TAF3: variants seen among roughly 807,000 people sequenced by gnomAD.
TAF3 encodes TATA-box binding protein associated factor 3.
A neutral mutation model predicts 80.6 loss-of-function variants in TAF3; 7 were observed. That is an observed-to-expected ratio of 0.09 (90% CI 0.05 to 0.16). The LOEUF (loss-of-function observed/expected upper bound fraction) is 0.16, where lower values mean the gene tolerates loss of function less well. Among genes scored for constraint, TAF3 ranks in the 10% least tolerant of loss-of-function variants. The probability of loss-of-function intolerance (pLI) is 1.00; values close to 1 mark genes in which losing one functional copy is unlikely to be tolerated. For synonymous variants in TAF3, 444 were observed against 446.1 expected (o/e 1.00, Z 0.06); for missense variants, 921 against 1,140.2 (o/e 0.81, Z 2.77).
chr10:7,986,640 C>G (rs1162034952), intron 4 of TAF3, among the ~76,000 whole-genome samples: 2 of 152,196 alleles, frequency 1.3e-5, no homozygotes, highest in Non-Finnish European at 2.9e-5. Context: ...GGACTCTCAG[C>G]ATCTTGTAAC....
At position 7,873,621 on chromosome 10, in the gene TAF3, C is replaced by CCCT. The variant is rs1554779069; in HGVS notation, c.409+49063_409+49064insTCC. Among the ~76,000 whole-genome samples, 2 of 130,410 alleles carry CCCT rather than the reference C, an allele frequency of 1.5e-5. 1 individual carries two copies. The highest frequency in any genetic ancestry group is 3.4e-5 in the Non-Finnish European group (2 of 59,306). 85.6% of individuals were successfully genotyped at this position (130,410 alleles called of 152,430 possible). On this transcript the variant is annotated intron_variant, in intron 2 of 6. Coordinates refer to ENST00000344293, the MANE Select transcript of TAF3 (RefSeq NM_031923.4). ...CAAGGGAAGACATCCGAGTTCTCCC[C>CCCT]CCCCCCCCGTCAAAAGGGGGTGTCG... is the stretch of plus-strand genomic sequence containing the variant.
chr10:7,963,040 T>C (rs1831526091), intron 2 of TAF3, among the ~76,000 whole-genome samples: 1 of 152,214 alleles, frequency 6.6e-6, no homozygotes, highest in Non-Finnish European at 1.5e-5. Context: ...GGTTGCTCTC[T>C]AGTGCCGTAA....
intron 2 of TAF3, among the ~76,000 whole-genome samples, chr10:7,892,022 G>A (rs537761770): frequency 6.6e-6 from 1 of 152,228 alleles, no homozygotes; most frequent in Non-Finnish European, 1.5e-5. Context: ...TTAACAGATA[G>A]ATTTTCTTCT....
intron 2 of TAF3, among the ~76,000 whole-genome samples, chr10:7,830,309 AACCCC>A: frequency 8.5e-6 from 1 of 118,234 alleles, no homozygotes; most frequent in South Asian, 3.0e-4. Flanking sequence ...CTATGTGCCC[AACCCC>A]ACCCCACCCC....
intron 2 of TAF3, among the ~76,000 whole-genome samples, chr10:7,863,245 T>G (rs1295087611): frequency 6.6e-6 from 1 of 152,140 alleles, no homozygotes; most frequent in Non-Finnish European, 1.5e-5. Flanking sequence ...CAGGGTTTTG[T>G]ACTGGGACTG....
At chr10:7,833,963 C>T in intron 2 of TAF3, 1 of 299,656 alleles carries the variant, frequency 3.3e-6, no homozygotes, top group Non-Finnish European at 6.2e-6. Context: ...ACCATGGCTG[C>T]CTGCTGTCCT....
chr10:7,881,065 G>A (rs1306917278), intron 2 of TAF3, among the ~76,000 whole-genome samples: 5 of 151,892 alleles, frequency 3.3e-5, no homozygotes, highest in African/African-American at 4.8e-5. Flanking sequence ...GGGAAGCCCC[G>A]TCTCTACAAA....
chr10:7,906,610 A>G (rs956808584), intron 2 of TAF3, among the ~76,000 whole-genome samples: 37 of 152,156 alleles, frequency 2.4e-4, no homozygotes, highest in Admixed American at 8.5e-4. Flanking sequence ...GACACTGACA[A>G]AGGCTCCTTA....
chr10:7,986,053 G>A (rs1367695829), intron 4 of TAF3, among the ~76,000 whole-genome samples: 1 of 151,938 alleles, frequency 6.6e-6, no homozygotes, highest in African/African-American at 2.4e-5. Context: ...CAGAGTGCTG[G>A]GATTACAGGC....
At chr10:7,832,811 A>G (rs1354747403) in intron 2 of TAF3, among the ~76,000 whole-genome samples, 1 of 152,088 alleles carries the variant, frequency 6.6e-6, no homozygotes, top group African/African-American at 2.4e-5. Flanking sequence ...CAGCCTCCCA[A>G]AGTGCTGGGA....
At chr10:7,861,397 C>T (rs1344402374) in intron 2 of TAF3, among the ~76,000 whole-genome samples, 1 of 152,046 alleles carries the variant, frequency 6.6e-6, no homozygotes, top group African/African-American at 2.4e-5. Context: ...TGAGCCACCG[C>T]ACCCAGCCAA....
At chr10:7,975,529 C>T (rs993712357) in intron 3 of TAF3, among the ~76,000 whole-genome samples, 2 of 152,114 alleles carry the variant, frequency 1.3e-5, no homozygotes. Context: ...TGGCATCACT[C>T]GGTGCTCTAG....
chr10:7,960,833 GGAA>G (rs1411531166), intron 2 of TAF3, among the ~76,000 whole-genome samples: 3 of 152,144 alleles, frequency 2.0e-5, no homozygotes, highest in Admixed American at 6.5e-5. Context: ...AAGCTTTTGT[GGAA>G]GCTCTGCATG....
At chr10:7,916,961 T>C (rs902737533) in intron 2 of TAF3, among the ~76,000 whole-genome samples, 4 of 152,242 alleles carry the variant, frequency 2.6e-5, no homozygotes, top group African/African-American at 9.6e-5. Context: ...TGTTGTGTGC[T>C]CGAAAGAACA....
chr10:7,843,299 G>A (rs894105705), intron 2 of TAF3, among the ~76,000 whole-genome samples: 8 of 151,392 alleles, frequency 5.3e-5, no homozygotes, highest in Non-Finnish European at 1.2e-4. Flanking sequence ...TGTAGAGATG[G>A]GCTCTTGCTG....
At chr10:8,000,654 C>A (rs775501119) in intron 4 of TAF3, among the ~76,000 whole-genome samples, 9 of 152,070 alleles carry the variant, frequency 5.9e-5, no homozygotes, top group Non-Finnish European at 1.0e-4. Flanking sequence ...TGGCACGCAC[C>A]TGTAGTCCCA....
At chr10:7,968,185 C>A (rs182419807) in intron 3 of TAF3, among the ~76,000 whole-genome samples, 2 of 152,006 alleles carry the variant, frequency 1.3e-5, no homozygotes, top group African/African-American at 2.4e-5. Context: ...ATGTAAGGCA[C>A]CAAAGGTTAA....
chr10:7,897,085 A>G (rs1327451923), intron 2 of TAF3, among the ~76,000 whole-genome samples: 1 of 151,974 alleles, frequency 6.6e-6, no homozygotes, highest in Non-Finnish European at 1.5e-5. Context: ...TGAATCCCCA[A>G]CTTCTTCTTC....
At position 7,858,835 on chromosome 10, in the gene TAF3, C is replaced by CA. The variant is rs376770999; in HGVS notation, c.409+34275_409+34276insA. ...GTGTGTGTGTGTGTGTGTGCGCGCG[C>CA]CTGCATGTCACTGAATGTACGTGTG... is the stretch of plus-strand genomic sequence containing the variant. On this transcript the variant is annotated intron_variant, in intron 2 of 6. Coordinates refer to ENST00000344293, the MANE Select transcript of TAF3 (RefSeq NM_031923.4). Among the ~76,000 whole-genome samples, 1,274 of 151,622 alleles carry CA rather than the reference C, an allele frequency of 8.4e-3. 19 individuals carry two copies. Among genetic ancestry groups the CA allele is most frequent in the African/African-American group, 0.029 (1,196 of 41,196 alleles).
Sources: allele counts gnomAD v4.1 joint callset (sites outside exome capture counted in the v4.1 genomes callset), GRCh38; gene constraint gnomAD v4.1.1; transcripts MANE v1.5; gene names NCBI Gene and HGNC (gene_info 2026-07-23, HGNC 2026-07-21).